RPA2: variants seen among roughly 807,000 people sequenced by gnomAD.
The protein encoded by RPA2 is replication protein A2, also known as replication protein A 32 kDa subunit.
RPA2 carries 22 observed loss-of-function variants against 33.4 expected under a neutral mutation model. The ratio of observed to expected loss-of-function variants is 0.66; its 90% CI spans 0.47 to 0.94. The LOEUF (loss-of-function observed/expected upper bound fraction) is 0.94, where lower values mean the gene tolerates loss of function less well. Ranked by LOEUF, RPA2 falls within the 40% of genes least tolerant of loss-of-function variation. The pLI is 0.00. For missense variants in RPA2, 279 were observed against 329.9 expected (o/e 0.85, Z 1.19); for synonymous variants, 109 against 114.9 (o/e 0.95, Z 0.33).
intron 4 of RPA2, 27 bp from the exon 5 acceptor site, chr1:27,897,734 A>G (rs2089911285): frequency 2.0e-6 from 3 of 1,518,034 alleles, no homozygotes; most frequent in South Asian, 2.5e-5. Flanking sequence ...ACATGTCATT[A>G]AAGTTTTAGT....
rs759989928 is a variant in RPA2, at chr1:27,914,183, CAGGATT to C, written c.11-20_11-15del. 4.3e-6 allele frequency: 7 copies of C among 1,613,814 alleles called. No homozygotes were observed. Among genetic ancestry groups the C allele is most frequent in the Non-Finnish European group, 5.9e-6 (7 of 1,179,924 alleles). On this transcript the variant is annotated splice_polypyrimidine_tract_variant and intron_variant, in intron 1 of 8. Transcript: ENST00000373912. The stretch of plus-strand genomic sequence containing the variant: ...TTTCGAATCCACCTGTTTTGAACAA[CAGGATT>C]AGTGCCTGTGCCACGTCCCACGCCT...
intron 2 of RPA2, among the ~76,000 whole-genome samples, chr1:27,910,243 C>T (rs1350368143): frequency 2.0e-5 from 3 of 152,148 alleles, no homozygotes; most frequent in African/African-American, 7.2e-5. Context: ...TGGGGATATA[C>T]ACCTCTTAAG....
Position 27,914,099 on chromosome 1 carries a change from A to G in RPA2, c.81T>C (p.Phe27=). The change falls in exon 2 of 9, where the codon TTT becomes TTC. Residue 27 remains phenylalanine, a synonymous_variant. Coordinates refer to ENST00000373912, the MANE Select transcript of RPA2 (RefSeq NM_002946.5). ...CGGCTTGAGAAGGTGCGGGCGATCCAAAGCCCCCCGGGGACTGCGTGTAGC... is the reference window on the plus strand; with the variant it reads ...CGGCTTGAGAAGGTGCGGGCGATCCGAAGCCCCCCGGGGACTGCGTGTAGC... ...AGGYTQSPGG[F]GSPAPSQAEK... The G allele has an allele frequency of 6.2e-7, 1 of 1,604,134 alleles. No homozygotes were observed. Among genetic ancestry groups the G allele is most frequent in the Non-Finnish European group, 8.5e-7 (1 of 1,176,584 alleles).
intron 4 of RPA2, among the ~76,000 whole-genome samples, chr1:27,901,729 C>T (rs919207296): frequency 5.9e-5 from 9 of 151,864 alleles, no homozygotes; most frequent in African/African-American, 1.9e-4. Flanking sequence ...TAGAAGCTTC[C>T]GAAAGGTAAA....
chr1:27,905,759 C>G (rs1170292458), intron 4 of RPA2, among the ~76,000 whole-genome samples: 2 of 152,096 alleles, frequency 1.3e-5, no homozygotes, highest in Admixed American at 6.6e-5. Context: ...TCCCGAGGAG[C>G]TGGGACTACA....
intron 4 of RPA2, among the ~76,000 whole-genome samples, chr1:27,900,979 A>G (rs548315088): frequency 5.3e-5 from 8 of 152,330 alleles, no homozygotes; most frequent in African/African-American, 1.9e-4. Context: ...CTTGAGATGG[A>G]ATCTCCTCCT....
chr1:27,903,532 A>AAT (rs2089992652), intron 4 of RPA2, among the ~76,000 whole-genome samples: 1 of 151,790 alleles, frequency 6.6e-6, no homozygotes, highest in South Asian at 2.1e-4. Context: ...CAGCCTGGCC[A>AAT]ACATGTTGAA....
At chr1:27,897,776 T>TAC in intron 4 of RPA2, 69 bp from the exon 5 acceptor site, 1 of 1,110,570 alleles carries the variant, frequency 9.0e-7, no homozygotes, top group Non-Finnish European at 1.3e-6. Flanking sequence ...AACGTTTCTA[T>TAC]ATTATGTATA....
intron 2 of RPA2, among the ~76,000 whole-genome samples, chr1:27,913,455 GCA>G (rs2090125866): frequency 6.6e-6 from 1 of 151,374 alleles, no homozygotes; most frequent in Non-Finnish European, 1.5e-5. Context: ...GGGCGTGGTG[GCA>G]CATGCCTGTA....
intron 4 of RPA2, among the ~76,000 whole-genome samples, chr1:27,905,550 TA>T (rs750076009): frequency 7.9e-5 from 12 of 152,268 alleles, no homozygotes; most frequent in Admixed American, 3.3e-4. Context: ...CTTGGCTTCC[TA>T]AAGTGTTGCG....
At chr1:27,899,516 A>G (rs1403199211) in intron 4 of RPA2, among the ~76,000 whole-genome samples, 1 of 141,120 alleles carries the variant, frequency 7.1e-6, no homozygotes, top group Non-Finnish European at 1.5e-5. Context: ...AAAAAAAGAA[A>G]AAAAAAAAAA....
At chr1:27,914,650 C>T (rs2148664621), upstream of RPA2, 5 of 1,613,842 alleles carry the variant, frequency 3.1e-6, no homozygotes, top group Non-Finnish European at 4.2e-6. Context: ...GTTCCTGTCT[C>T]CTCTGCCCAT....
chr1:27,898,846 C>T (rs150716307), intron 4 of RPA2, among the ~76,000 whole-genome samples: 112 of 152,070 alleles, frequency 7.4e-4, no homozygotes, highest in African/African-American at 2.5e-3. Flanking sequence ...CTTGAGCCAT[C>T]GTGTCCGGCC....
chr1:27,892,178 G>A lies in RPA2; in HGVS notation c.798C>T (p.Ser266=), dbSNP rs1207978244. 1 of 1,611,908 alleles carries A rather than the reference G, an allele frequency of 6.2e-7. No individual in the cohort carries two copies. Among genetic ancestry groups the A allele is most frequent in the African/African-American group, 1.3e-5 (1 of 74,942 alleles). ...YSTVDDDHFK[S]TDAE is the part of the protein sequence containing the mutation. ...TTAGATCCAGTTATTCTGCATCTGTGGATTTAAAATGGTCATCATCCACAG... is the reference window on the plus strand; with the variant it reads ...TTAGATCCAGTTATTCTGCATCTGTAGATTTAAAATGGTCATCATCCACAG... The change falls in exon 9 of 9, where the codon TCC becomes TCT. Residue 266 remains serine (S), a synonymous_variant. Coordinates refer to ENST00000373912, the MANE Select transcript of RPA2 (RefSeq NM_002946.5).
At chr1:27,898,587 C>G (rs1279594306) in intron 4 of RPA2, among the ~76,000 whole-genome samples, 1 of 151,068 alleles carries the variant, frequency 6.6e-6, no homozygotes, top group Non-Finnish European at 1.5e-5. Context: ...GCTCTGTCAC[C>G]CAGACTGGAG....
At chr1:27,896,855 G>T in intron 6 of RPA2, 150 bp downstream of exon 6, 1 of 574,430 alleles carries the variant, frequency 1.7e-6, no homozygotes, top group Non-Finnish European at 3.1e-6. Flanking sequence ...AAAATACAAT[G>T]ACAAAGCTAA....
chr1:27,895,528 A>G (rs1188465643), intron 6 of RPA2, among the ~76,000 whole-genome samples: 1 of 152,066 alleles, frequency 6.6e-6, no homozygotes, highest in African/African-American at 2.4e-5. Context: ...ATCCTGGCTA[A>G]CACGGTGAAA....
rs759215567 is a variant in RPA2, at chr1:27,897,037, C to A, written c.493G>T (p.Ala165Ser). 1.9e-6 allele frequency: 3 copies of A among 1,613,392 alleles called. No individual in the cohort carries two copies. The East Asian group carries it at 6.7e-5, about 36-fold the overall frequency. Residue 165 changes from alanine (A) to serine (S), a missense_variant, in exon 6 of 9, where the codon GCA (alanine) becomes TCA (serine). Coordinates refer to ENST00000373912, the MANE Select transcript of RPA2 (RefSeq NM_002946.5). ...FTTHILEVIN[A>S]HMVLSKANSQ... ...TTGGCTTTGCTTAGTACCATGTGTG[C>A]ATTGATCACTTCCAGAATATGTGTG...
chr1:27,899,976 G>A (rs186455010), intron 4 of RPA2, among the ~76,000 whole-genome samples: 55 of 151,578 alleles, frequency 3.6e-4, no homozygotes, highest in Admixed American at 2.6e-3. Context: ...CACGGTGCCC[G>A]GCTTTTGTAT....
Sources: gnomAD v4.1 joint callset for allele counts (sites outside exome capture counted in the v4.1 genomes callset) on GRCh38, gnomAD v4.1.1 for gene constraint, MANE v1.5 for transcripts, NCBI Gene and HGNC (gene_info 2026-07-23, HGNC 2026-07-21) for gene names.